The following RAG1 variants were observed in gnomAD, a reference collection of about 807,000 sequenced individuals.
The protein encoded by RAG1 is recombination activating 1.
A neutral mutation model predicts 62.7 loss-of-function variants in RAG1; 35 were observed. That is an observed-to-expected ratio of 0.56 (90% confidence interval 0.43 to 0.74). The LOEUF (loss-of-function observed/expected upper bound fraction) is 0.74. Ranked by LOEUF, RAG1 falls within the 30% of genes least tolerant of loss-of-function variation. RAG1 has a pLI of 0.00. For synonymous variants in RAG1, 461 were observed against 470.3 expected, an observed-to-expected ratio of 0.98 and a Z score of 0.26; for missense variants, 1,169 against 1,278.6, an observed-to-expected ratio of 0.91 and a Z score of 1.31.
chr11:36,570,185 AT>A (rs1850719893), intron 1 of RAG1, among the ~76,000 whole-genome samples: 1 of 152,102 alleles, frequency 6.6e-6, no homozygotes, highest in African/African-American at 2.4e-5. Context: ...CCAAAAGGAG[AT>A]TTATTGCATC....
chr11:36,540,062 C>T (rs1160490847), downstream of RAG1, among the ~76,000 whole-genome samples: 3 of 152,162 alleles, frequency 2.0e-5, no homozygotes, highest in Non-Finnish European at 2.9e-5. Flanking sequence ...AATGTTTATG[C>T]TTAAAAGTGC....
intron 2 of RAG1, among the ~76,000 whole-genome samples, chr11:36,534,145 C>G (rs931848027): frequency 6.6e-6 from 1 of 151,946 alleles, no homozygotes; most frequent in Non-Finnish European, 1.5e-5. Context: ...CATAATTGCT[C>G]TCTTCAGACA....
At chr11:36,560,994 C>T (rs529605940) in intron 3 of RAG1, among the ~76,000 whole-genome samples, 1 of 152,350 alleles carries the variant, frequency 6.6e-6, no homozygotes, top group South Asian at 2.1e-4. Flanking sequence ...AGCTTTGACA[C>T]TTCTAGGCAG....
Position 36,574,809 on chromosome 11 carries a change from C to CTT in RAG1, c.1507_1508dup (p.Leu503PhefsTer25). ...ATCACAGGGAGACAGATTTTTCAGC[C>CTT]TTTGCATGCCCTTCGGAATGCTGAG... On this transcript the variant is annotated frameshift_variant, in exon 2 of 2. Coordinates refer to ENST00000299440, the MANE Select transcript of RAG1 (RefSeq NM_000448.3). LOFTEE classifies it high-confidence loss of function. 6.2e-7 allele frequency: 1 copy of CTT among 1,614,220 alleles called. No homozygotes were observed.
At chr11:36,535,613 G>A (rs529876834) in intron 2 of RAG1, among the ~76,000 whole-genome samples, 2 of 152,150 alleles carry the variant, frequency 1.3e-5, no homozygotes, top group South Asian at 2.1e-4. Flanking sequence ...GCATGGTGGC[G>A]TGTGCCTGTA....
chr11:36,533,866 C>T (rs1380034425), intron 2 of RAG1, among the ~76,000 whole-genome samples: 1 of 152,014 alleles, frequency 6.6e-6, no homozygotes, highest in Non-Finnish European at 1.5e-5. Flanking sequence ...TAGTTACTAA[C>T]AGATGTCCTA....
At chr11:36,533,070 A>G (rs1860278634) in intron 2 of RAG1, among the ~76,000 whole-genome samples, 1 of 152,156 alleles carries the variant, frequency 6.6e-6, no homozygotes, top group South Asian at 2.1e-4. Flanking sequence ...GAGTAGCTGC[A>G]GAATGTGCTA....
intron 2 of RAG1, among the ~76,000 whole-genome samples, chr11:36,522,414 G>A (rs1860094479): frequency 6.6e-6 from 1 of 152,228 alleles, no homozygotes; most frequent in South Asian, 2.1e-4. Context: ...TTGAGCCTGC[G>A]AGTGCCCAGA....
At chr11:36,531,059 G>A (rs903779646) in intron 2 of RAG1, among the ~76,000 whole-genome samples, 1 of 9,422 alleles carries the variant, frequency 1.1e-4, no homozygotes, top group African/African-American at 1.8e-4. Flanking sequence ...ATAGATTAAG[G>A]GTTTTTTTTT....
At chr11:36,518,886 C>T (rs1480121040) in intron 1 of RAG1, among the ~76,000 whole-genome samples, 2 of 152,120 alleles carry the variant, frequency 1.3e-5, no homozygotes, top group African/African-American at 4.8e-5. Context: ...GTTGCCATTG[C>T]TTTTGGTGTT....
downstream of RAG1, among the ~76,000 whole-genome samples, chr11:36,538,454 C>T (rs1485245265): frequency 6.6e-6 from 1 of 151,984 alleles, no homozygotes; most frequent in Non-Finnish European, 1.5e-5. Flanking sequence ...TTGCTCTATT[C>T]GATAGGTTAT....
rs531406010 is a variant in RAG1 at position 36,548,016 on chromosome 11, G to A, written c.-412+11982G>A. On this transcript the variant is annotated intron_variant and NMD_transcript_variant, in intron 3 of 9. Transcript: ENST00000534663. ...AATCCCTCACATAAACAGAACCAAC[G>A]ACAAAAACTACATGATTATATCAAT... is the stretch of plus-strand genomic sequence containing the variant. 2.6e-5 allele frequency among the ~76,000 whole-genome samples: 4 copies of A among 152,086 alleles called. No individual in the cohort carries two copies. The East Asian group carries it at 5.8e-4, about 22-fold the overall frequency.
Position 36,573,273 on chromosome 11 carries a change from T to A in RAG1, c.-14-18T>A, listed in dbSNP as rs1850775161. The A allele has an allele frequency of 1.2e-6, 2 of 1,613,520 alleles. No individual in the cohort carries two copies. The highest frequency in any genetic ancestry group is 2.2e-5 in the South Asian group (2 of 91,052). On this transcript the variant is annotated intron_variant, in intron 1 of 1. Coordinates refer to ENST00000299440, the MANE Select transcript of RAG1 (RefSeq NM_000448.3). The stretch of plus-strand genomic sequence containing the variant: ...TATTGATATTGGTCTTAATATGACT[T>A]GTTTTCATTGTTCTCAGGTACCTCA...
chr11:36,514,911 C>T (rs1383661535), intron 1 of RAG1, among the ~76,000 whole-genome samples: 1 of 152,282 alleles, frequency 6.6e-6, no homozygotes, highest in East Asian at 1.9e-4. Flanking sequence ...GCAGAGTGGT[C>T]CATGCAGAGG....
At chr11:36,562,243 T>TA (rs1850600630) in intron 3 of RAG1, among the ~76,000 whole-genome samples, 1 of 152,138 alleles carries the variant, frequency 6.6e-6, no homozygotes, top group Non-Finnish European at 1.5e-5. Flanking sequence ...TGCCTTGAAG[T>TA]GTAGAGTTGC....
downstream of RAG1, among the ~76,000 whole-genome samples, chr11:36,538,079 G>C (rs1307317703): frequency 6.6e-6 from 1 of 151,946 alleles, no homozygotes. Context: ...AGTCCTTATA[G>C]GAACAAAAGT....
At chr11:36,535,744 CAAATAAAT>C (rs891533882) in intron 2 of RAG1, among the ~76,000 whole-genome samples, 2 of 151,754 alleles carry the variant, frequency 1.3e-5, no homozygotes, top group Admixed American at 1.3e-4. Flanking sequence ...GACTCCCTCT[CAAATAAAT>C]AAATAAATAA....
At chr11:36,538,198 T>C (rs936097192), downstream of RAG1, among the ~76,000 whole-genome samples, 1 of 152,212 alleles carries the variant, frequency 6.6e-6, no homozygotes, top group African/African-American at 2.4e-5. Flanking sequence ...AGATATCACA[T>C]TGATTTTGTT....
intron 3 of RAG1, among the ~76,000 whole-genome samples, chr11:36,545,492 C>A (rs1196013446): frequency 6.6e-6 from 1 of 152,218 alleles, no homozygotes; most frequent in Admixed American, 6.5e-5. Flanking sequence ...CACCAGAAAC[C>A]AATTCTCCTG....
Sources: allele counts gnomAD v4.1 joint callset (sites outside exome capture counted in the v4.1 genomes callset), GRCh38; gene constraint gnomAD v4.1.1; transcripts MANE v1.5; gene names NCBI Gene and HGNC (gene_info 2026-07-23, HGNC 2026-07-21).